AMPH: variants seen among roughly 807,000 people sequenced by gnomAD.
AMPH encodes the protein amphiphysin (Stiff-Mann syndrome with breast cancer 128kD autoantigen).
AMPH carries 49 observed loss-of-function variants against 99.1 expected under a neutral mutation model. The ratio of observed to expected loss-of-function variants is 0.49; its 90% CI spans 0.39 to 0.63. The LOEUF (loss-of-function observed/expected upper bound fraction) is 0.63. Ranked by LOEUF, AMPH falls within the 20% of genes least tolerant of loss-of-function variation. The pLI, the probability that AMPH is intolerant of heterozygous loss-of-function variation, is 0.00. For synonymous variants in AMPH, 314 were observed against 317.3 expected (o/e 0.99, Z 0.11); for missense variants, 759 against 863.4 (o/e 0.88, Z 1.52).
rs1562764206 is a variant in AMPH, at chr7:38,451,289, A to ACACACACATATACG, written c.1017+9993_1017+9994insCGTATATGTGTGTG. Among the ~76,000 whole-genome samples the ACACACACATATACG allele has an allele frequency of 5.0e-5, 7 of 138,930 alleles. No individual in the cohort carries two copies. In the Admixed American group the frequency reaches 5.2e-4, roughly 10 times the overall value. The allele number at this position is 138,930 out of a possible 152,430, so 91.1% of individuals were successfully genotyped here. A position where few individuals can be genotyped will look rare whatever the true frequency, so the allele number is the denominator to read the frequency against. On this transcript the variant is annotated intron_variant, in intron 11 of 20. Coordinates refer to ENST00000356264, the MANE Select transcript of AMPH (RefSeq NM_001635.4). ...TGTGCATATACATGTATATATACACATGCACACATATATACGTGTGTATAT... is the reference window on the plus strand; with the variant it reads ...TGTGCATATACATGTATATATACACACACACACATATACGTGCACACATATATACGTGTGTATAT...
At position 38,627,260 on chromosome 7, in the gene AMPH, G is replaced by A. The variant is rs546470840; in HGVS notation, c.69+4023C>T. ...AAAGAGTTCTGTAAAAATGCTGAAG[G>A]AGGCCGGGCGCGGTGGCTCGCACCT... is the stretch of plus-strand genomic sequence containing the variant. On this transcript the variant is annotated intron_variant, in intron 1 of 20. Transcript: ENST00000356264. Among the ~76,000 whole-genome samples the A allele has an allele frequency of 1.4e-4, 21 of 151,942 alleles. No individual in the cohort carries two copies. The South Asian group carries it at 4.2e-3, about 30-fold the overall frequency.
At chr7:38,616,906 C>A (rs1442767504) in intron 1 of AMPH, among the ~76,000 whole-genome samples, 1 of 151,904 alleles carries the variant, frequency 6.6e-6, no homozygotes, top group Non-Finnish European at 1.5e-5. Flanking sequence ...CTGGAATTAC[C>A]CTGTGACTTC....
intron 1 of AMPH, among the ~76,000 whole-genome samples, chr7:38,575,051 T>TAAA (rs3056279): frequency 0.048 from 5,058 of 105,144 alleles, 114 homozygotes; most frequent in East Asian, 0.092. Context: ...AGACTCTGTC[T>TAAA]AAAAAAAAAA....
chr7:38,472,116 A>G (rs1787909004), intron 7 of AMPH, among the ~76,000 whole-genome samples: 1 of 152,164 alleles, frequency 6.6e-6, no homozygotes, highest in African/African-American at 2.4e-5. Context: ...CCTCACAGGC[A>G]TATATAGAAC....
At chr7:38,431,848 A>G (rs1268037073) in intron 13 of AMPH, among the ~76,000 whole-genome samples, 1 of 151,902 alleles carries the variant, frequency 6.6e-6, no homozygotes, top group African/African-American at 2.4e-5. Context: ...TCTCATTCAC[A>G]CTTTCCTTGT....
chr7:38,539,668 A>G (rs1790741291), intron 1 of AMPH, among the ~76,000 whole-genome samples: 1 of 152,292 alleles, frequency 6.6e-6, no homozygotes, highest in Non-Finnish European at 1.5e-5. Context: ...GCTGAGCAGC[A>G]CTGGGGTGAG....
At chr7:38,562,424 G>A (rs1352555309) in intron 1 of AMPH, among the ~76,000 whole-genome samples, 1 of 152,068 alleles carries the variant, frequency 6.6e-6, no homozygotes, top group Non-Finnish European at 1.5e-5. Flanking sequence ...ATAATACTTT[G>A]ACAGCATCAA....
At chr7:38,490,547 T>C (rs1788679549) in intron 5 of AMPH, among the ~76,000 whole-genome samples, 1 of 152,130 alleles carries the variant, frequency 6.6e-6, no homozygotes, top group African/African-American at 2.4e-5. Flanking sequence ...AATGCTTATA[T>C]CTTAACACTT....
chr7:38,420,653 G>A (rs1584066062), intron 16 of AMPH, among the ~76,000 whole-genome samples: 4 of 152,178 alleles, frequency 2.6e-5, no homozygotes, highest in Admixed American at 2.6e-4. Context: ...TGAAAGGCGG[G>A]TCAATACAGA....
intron 1 of AMPH, among the ~76,000 whole-genome samples, chr7:38,603,831 C>T (rs1793339419): frequency 6.6e-6 from 1 of 152,184 alleles, no homozygotes; most frequent in Non-Finnish European, 1.5e-5. Context: ...GTGGACAATG[C>T]TACCAATCCA....
At chr7:38,534,202 C>A (rs1436214030) in intron 2 of AMPH, among the ~76,000 whole-genome samples, 1 of 152,080 alleles carries the variant, frequency 6.6e-6, no homozygotes. Context: ...CACCAAGAAC[C>A]AATTTTCAGC....
intron 11 of AMPH, among the ~76,000 whole-genome samples, chr7:38,451,134 C>T (rs1192040123): frequency 6.6e-6 from 1 of 151,242 alleles, no homozygotes; most frequent in Admixed American, 6.6e-5. Context: ...CTCAAGCAAT[C>T]CTCCTGCTTT....
rs3056281 is a variant in AMPH at position 38,620,336 on chromosome 7, A to ATGTGTGTGTGTG, written c.69+10935_69+10946dup. Reference sequence around the variant, plus strand: ...ATACCAATTCATTGGAGATATATATATGTGTGTGTGTGTGTGTGTGTGTGT... The same window carrying ATGTGTGTGTGTG: ...ATACCAATTCATTGGAGATATATATATGTGTGTGTGTGTGTGTGTGTGTGTGTGTGTGTGTGT... On this transcript the variant is annotated intron_variant, in intron 1 of 20. Transcript: ENST00000356264. Among the ~76,000 whole-genome samples, 1,168 of 145,720 alleles carry ATGTGTGTGTGTG rather than the reference A, an allele frequency of 8.0e-3. 14 individuals carry two copies. Among genetic ancestry groups the ATGTGTGTGTGTG allele is most frequent in the South Asian group, 0.017 (77 of 4,440 alleles).
intron 17 of AMPH, among the ~76,000 whole-genome samples, chr7:38,399,608 G>GA (rs958321652): frequency 2.4e-4 from 36 of 152,076 alleles, no homozygotes; most frequent in Non-Finnish European, 3.1e-4. Context: ...AGCTATAAAA[G>GA]AAAAAACATT....
At chr7:38,568,361 A>T (rs1791821675) in intron 1 of AMPH, among the ~76,000 whole-genome samples, 1 of 152,236 alleles carries the variant, frequency 6.6e-6, no homozygotes, top group Admixed American at 6.5e-5. Context: ...GCTACTCAGG[A>T]GGCTGACGCA....
At chr7:38,510,318 C>G (rs1789490595) in intron 2 of AMPH, among the ~76,000 whole-genome samples, 1 of 152,134 alleles carries the variant, frequency 6.6e-6, no homozygotes, top group Non-Finnish European at 1.5e-5. Context: ...ACATATATGA[C>G]CTCACTTAAC....
intron 20 of AMPH, among the ~76,000 whole-genome samples, 156 bp downstream of exon 20, chr7:38,389,648 T>C (rs917661107): frequency 6.6e-6 from 1 of 152,208 alleles, no homozygotes; most frequent in Non-Finnish European, 1.5e-5. Context: ...CCTAGAAACC[T>C]CGTTAATGAT....
Position 38,492,477 on chromosome 7 carries a change from AAC to A in AMPH, c.301-1334_301-1333del, listed in dbSNP as rs3837077. Among the ~76,000 whole-genome samples the A allele has an allele frequency of 2.6e-5, 4 of 152,066 alleles. No individual in the cohort carries two copies. The South Asian group carries it at 6.2e-4, about 24-fold the overall frequency. Reference sequence around the variant, plus strand: ...GACACATAAGTTTTCATCTTGTTAAAACACACACACACACTTTTAAAATTTGC... The same window carrying A: ...GACACATAAGTTTTCATCTTGTTAAAACACACACACACTTTTAAAATTTGC... On this transcript the variant is annotated intron_variant, in intron 4 of 20. Transcript: ENST00000356264.
At chr7:38,465,319 C>T in intron 9 of AMPH, 148 bp downstream of exon 9, 1 of 626,438 alleles carries the variant, frequency 1.6e-6, no homozygotes, top group Non-Finnish European at 2.7e-6. Flanking sequence ...AATGTAAAAG[C>T]ACAAAAATAA....
Sources: allele counts gnomAD v4.1 joint callset (sites outside exome capture counted in the v4.1 genomes callset), GRCh38; gene constraint gnomAD v4.1.1; transcripts MANE v1.5; gene names NCBI Gene and HGNC (gene_info 2026-07-23, HGNC 2026-07-21).